The following CALD1 variants were observed in gnomAD, a reference collection of about 807,000 sequenced individuals.
CALD1 encodes the protein caldesmon 1.
CALD1 carries 33 observed loss-of-function variants against 99.9 expected under a neutral mutation model. The observed-to-expected ratio is 0.33, with a 90% CI of 0.25 to 0.44. CALD1 has a LOEUF of 0.44. Among genes scored for constraint, CALD1 ranks in the 20% least tolerant of loss-of-function variants. The probability of loss-of-function intolerance (pLI) is 1.00; values close to 1 mark genes in which losing one functional copy is unlikely to be tolerated. For missense variants in CALD1, 861 were observed against 962.1 expected (o/e 0.89, Z 1.39); for synonymous variants, 310 against 325.0 (o/e 0.95, Z 0.50).
intron 7 of CALD1, among the ~76,000 whole-genome samples, chr7:134,943,977 G>T (rs1563119807): frequency 6.6e-6 from 1 of 152,204 alleles, no homozygotes; most frequent in Non-Finnish European, 1.5e-5. Context: ...TGTCCAAAAT[G>T]AAGACTGAGT....
chr7:134,833,662 T>C (rs1799318026), intron 1 of CALD1, among the ~76,000 whole-genome samples: 1 of 152,238 alleles, frequency 6.6e-6, no homozygotes, highest in African/African-American at 2.4e-5. Flanking sequence ...ACACATTTAT[T>C]GAGAAACTGC....
chr7:134,960,346 C>T, intron 12 of CALD1, 187 bp from the exon 13 acceptor site: 1 of 655,782 alleles, frequency 1.5e-6, no homozygotes, highest in East Asian at 2.7e-5. Context: ...AATGTCCACC[C>T]TTGGAGTTGG....
chr7:134,757,418 C>T (rs958405750), intron 1 of CALD1, among the ~76,000 whole-genome samples: 1 of 152,108 alleles, frequency 6.6e-6, no homozygotes, highest in South Asian at 2.1e-4. Context: ...CCTGTATGTT[C>T]GCTTGTTGAT....
intron 5 of CALD1, among the ~76,000 whole-genome samples, chr7:134,934,451 C>T (rs1224327501): frequency 2.0e-5 from 3 of 152,120 alleles, no homozygotes; most frequent in South Asian, 2.1e-4. Flanking sequence ...ATTATCTTTC[C>T]TCTATCCATA....
intron 1 of CALD1, among the ~76,000 whole-genome samples, chr7:134,771,314 T>C (rs1174125608): frequency 1.3e-5 from 2 of 152,162 alleles, no homozygotes; most frequent in Non-Finnish European, 2.9e-5. Context: ...GCCTGAAATA[T>C]GTCTAATATG....
intron 5 of CALD1, among the ~76,000 whole-genome samples, chr7:134,934,763 C>A (rs1434695113): frequency 6.6e-6 from 1 of 152,046 alleles, no homozygotes; most frequent in Non-Finnish European, 1.5e-5. Context: ...TGTCTGTAAT[C>A]CCAGCTACTC....
chr7:134,931,196 T>C (rs1055820890), intron 4 of CALD1, among the ~76,000 whole-genome samples: 2 of 152,178 alleles, frequency 1.3e-5, no homozygotes, highest in Non-Finnish European at 2.9e-5. Flanking sequence ...GCTAAACAAC[T>C]CTAACTGGCA....
At chr7:134,883,447 A>C (rs932838250) in intron 3 of CALD1, among the ~76,000 whole-genome samples, 1 of 152,166 alleles carries the variant, frequency 6.6e-6, no homozygotes, top group Non-Finnish European at 1.5e-5. Flanking sequence ...CTGGCTTTTA[A>C]ATGAGAAAAT....
the CALD1 span, among the ~76,000 whole-genome samples, chr7:134,716,318 C>T: frequency 6.6e-6 from 1 of 152,174 alleles, no homozygotes; most frequent in African/African-American, 2.4e-5. Context: ...CTCACTGTCT[C>T]ATAAGATACT....
intron 1 of CALD1, among the ~76,000 whole-genome samples, chr7:134,824,472 CCTTCTT>C (rs564980525): frequency 1.3e-5 from 2 of 151,544 alleles, no homozygotes; most frequent in African/African-American, 2.4e-5. Context: ...TTCTCCTTCT[CCTTCTT>C]CTTCTTCTTC....
At chr7:134,861,757 T>A (rs1329497741) in intron 2 of CALD1, among the ~76,000 whole-genome samples, 1 of 152,168 alleles carries the variant, frequency 6.6e-6, no homozygotes, top group Non-Finnish European at 1.5e-5. Flanking sequence ...AATCATGAAA[T>A]TTACAGTGGG....
At chr7:134,722,524 G>A in the CALD1 span, among the ~76,000 whole-genome samples, 4 of 152,098 alleles carry the variant, frequency 2.6e-5, no homozygotes, top group Admixed American at 2.6e-4. Flanking sequence ...AGGTTCAAGC[G>A]ATTCTCCTGC....
At chr7:134,728,402 T>C in the CALD1 span, among the ~76,000 whole-genome samples, 1 of 152,206 alleles carries the variant, frequency 6.6e-6, no homozygotes, top group Admixed American at 6.5e-5. Context: ...ACAACCTGCT[T>C]GGTTACAGCT....
Position 134,915,973 on chromosome 7 carries a change from T to C in CALD1, c.72-12781T>C, listed in dbSNP as rs1017994476. On this transcript the variant is annotated intron_variant, in intron 3 of 14. Transcript: ENST00000361675. Reference sequence around the variant, plus strand: ...ACTTCTTTTCTCAACAGTAGGGAGATGGGACCCATGAGCAGTGGTTGACTG... The same window carrying C: ...ACTTCTTTTCTCAACAGTAGGGAGACGGGACCCATGAGCAGTGGTTGACTG... Among the ~76,000 whole-genome samples, 5 of 152,314 alleles carry C rather than the reference T, an allele frequency of 3.3e-5. No homozygotes were observed. In the East Asian group the frequency reaches 9.7e-4, roughly 29 times the overall value.
At chr7:134,894,836 C>T (rs1464651133) in intron 3 of CALD1, among the ~76,000 whole-genome samples, 1 of 152,092 alleles carries the variant, frequency 6.6e-6, no homozygotes, top group Non-Finnish European at 1.5e-5. Flanking sequence ...TTCCCAAAGC[C>T]TAAGGAAGTT....
In CALD1 at chr7:134,968,671, A is replaced by G; in HGVS notation, c.*326A>G. On this transcript the variant is annotated 3_prime_UTR_variant, in exon 15 of 15. Coordinates refer to ENST00000361675, the MANE Select transcript of CALD1 (RefSeq NM_033138.4). ...TGAAGTCAACAGAAGATCCAAGTTT[A>G]AAATTGCCTGCGGAATGTGTGCAGT... 1.8e-6 allele frequency: 1 copy of G among 555,310 alleles called. No individual in the cohort carries two copies. The highest frequency in any genetic ancestry group is 3.4e-6 in the Non-Finnish European group (1 of 294,010). 34.4% of individuals were successfully genotyped at this position (555,310 alleles called of 1,614,324 possible).
chr7:134,923,797 A>C (rs1347086471), intron 3 of CALD1, among the ~76,000 whole-genome samples: 1 of 152,206 alleles, frequency 6.6e-6, no homozygotes, highest in Non-Finnish European at 1.5e-5. Flanking sequence ...TATTAAATTG[A>C]CAATTTGTCG....
At chr7:134,813,615 A>G (rs1299609820) in intron 1 of CALD1, among the ~76,000 whole-genome samples, 3 of 152,134 alleles carry the variant, frequency 2.0e-5, no homozygotes, top group Non-Finnish European at 4.4e-5. Context: ...GATTGCCTCT[A>G]TTTTCTCAGT....
chr7:134,781,533 T>C (rs764996865), intron 1 of CALD1, among the ~76,000 whole-genome samples: 11 of 152,210 alleles, frequency 7.2e-5, no homozygotes, highest in Non-Finnish European at 1.5e-4. Flanking sequence ...TAGGCAGTTC[T>C]TTGTGCTACT....
Sources: allele counts gnomAD v4.1 joint callset (sites outside exome capture counted in the v4.1 genomes callset), GRCh38; gene constraint gnomAD v4.1.1; transcripts MANE v1.5; gene names NCBI Gene and HGNC (gene_info 2026-07-23, HGNC 2026-07-21).